MINDY3: variants seen among roughly 807,000 people sequenced by gnomAD.
The protein encoded by MINDY3 is ubiquitin carboxyl-terminal hydrolase MINDY-3.
A neutral mutation model predicts 69.2 loss-of-function variants in MINDY3; 38 were observed. The observed-to-expected ratio is 0.55, with a 90% CI of 0.42 to 0.72. The LOEUF (loss-of-function observed/expected upper bound fraction) is 0.72, where lower values mean the gene tolerates loss of function less well. Among genes scored for constraint, MINDY3 ranks in the 30% least tolerant of loss-of-function variants. MINDY3 has a pLI of 0.00. For missense variants in MINDY3, 522 were observed against 519.0 expected (o/e 1.01, Z -0.06); for synonymous variants, 192 against 180.1 (o/e 1.07, Z -0.53).
At chr10:15,802,978 T>C (rs955882314) in intron 10 of MINDY3, among the ~76,000 whole-genome samples, 9 of 152,166 alleles carry the variant, frequency 5.9e-5, no homozygotes, top group Admixed American at 2.6e-4. Context: ...CAAGAGATTA[T>C]TGTAAATTCA....
chr10:15,850,082 C>T (rs971257365), intron 1 of MINDY3, among the ~76,000 whole-genome samples: 6 of 152,164 alleles, frequency 3.9e-5, no homozygotes, highest in East Asian at 1.9e-4. Context: ...TAATTTCTTA[C>T]GCCTGTCTTT....
intron 1 of MINDY3, 113 bp downstream of exon 1, chr10:15,860,093 C>T (rs1832395564): frequency 2.6e-6 from 2 of 771,898 alleles, no homozygotes; most frequent in Non-Finnish European, 4.4e-6. Flanking sequence ...CTGAGCACGG[C>T]GACTGGGGCA....
At chr10:15,794,393 T>C (rs1055845961) in intron 11 of MINDY3, among the ~76,000 whole-genome samples, 2 of 152,138 alleles carry the variant, frequency 1.3e-5, no homozygotes, top group African/African-American at 4.8e-5. Context: ...TTCTTAGAGC[T>C]GACTATACAC....
At position 15,796,191 on chromosome 10, in the gene MINDY3, T is replaced by A; in HGVS notation, c.883-19A>T. 6.2e-7 allele frequency: 1 copy of A among 1,600,036 alleles called. No homozygotes were observed. The highest frequency in any genetic ancestry group is 8.6e-7 in the Non-Finnish European group (1 of 1,167,724). ...CCATATCCTGAAAAGATAAGAAGCATGTTGTCAACCAGCTACAGTATTATG... is the reference window on the plus strand; with the variant it reads ...CCATATCCTGAAAAGATAAGAAGCAAGTTGTCAACCAGCTACAGTATTATG... On this transcript the variant is annotated intron_variant, in intron 10 of 14. Coordinates refer to ENST00000277632, the MANE Select transcript of MINDY3 (RefSeq NM_024948.4).
At chr10:15,783,257 C>T (rs1430564401) in intron 13 of MINDY3, among the ~76,000 whole-genome samples, 1 of 152,158 alleles carries the variant, frequency 6.6e-6, no homozygotes, top group Non-Finnish European at 1.5e-5. Flanking sequence ...ACTCCTTCCC[C>T]TTCATGTATT....
chr10:15,835,706 C>T (rs1833027747), intron 6 of MINDY3, among the ~76,000 whole-genome samples: 1 of 152,044 alleles, frequency 6.6e-6, no homozygotes, highest in Admixed American at 6.6e-5. Context: ...TTATAAGAAA[C>T]CAGTCATCTT....
chr10:15,804,604 A>C (rs1266078076), intron 10 of MINDY3, among the ~76,000 whole-genome samples: 1 of 152,174 alleles, frequency 6.6e-6, no homozygotes, highest in Non-Finnish European at 1.5e-5. Flanking sequence ...TAGCTTGCAG[A>C]CAACATATTA....
At chr10:15,831,680 T>C (rs1387323998) in intron 8 of MINDY3, among the ~76,000 whole-genome samples, 1 of 149,188 alleles carries the variant, frequency 6.7e-6, no homozygotes, top group East Asian at 1.9e-4. Context: ...TTTCTTTTTT[T>C]TTTTTTTTTT....
At chr10:15,848,088 T>A (rs565787561) in intron 1 of MINDY3, 145 bp from the exon 2 acceptor site, 129 of 663,368 alleles carry the variant, frequency 1.9e-4, no homozygotes, top group Non-Finnish European at 3.2e-4. Flanking sequence ...AAGGAACCTT[T>A]TGAAAAAAAA....
chr10:15,841,019 T>C lies in MINDY3; in HGVS notation c.409+407A>G, dbSNP rs571552473. 2.0e-5 allele frequency among the ~76,000 whole-genome samples: 3 copies of C among 151,622 alleles called. No homozygotes were observed. In the South Asian group the frequency reaches 6.2e-4, roughly 31 times the overall value. On this transcript the variant is annotated intron_variant, in intron 4 of 14. Coordinates refer to ENST00000277632, the MANE Select transcript of MINDY3 (RefSeq NM_024948.4). ...TGCAATGAGGAGAAATGTCCCCATC[T>C]TTGCTCTGGGAAGCAAGTAAAGATA...
chr10:15,849,115 T>C (rs1477314354), intron 1 of MINDY3, among the ~76,000 whole-genome samples: 2 of 152,066 alleles, frequency 1.3e-5, no homozygotes, highest in Non-Finnish European at 2.9e-5. Context: ...GAATGCAGAG[T>C]ATTGTGGATA....
At chr10:15,842,842 T>C (rs1417562202) in intron 3 of MINDY3, among the ~76,000 whole-genome samples, 2 of 140,708 alleles carry the variant, frequency 1.4e-5, no homozygotes, top group African/African-American at 5.3e-5. Flanking sequence ...TAAGGCATTA[T>C]ACTAAAACAT....
At chr10:15,799,919 G>C (rs1440998692) in intron 10 of MINDY3, among the ~76,000 whole-genome samples, 3 of 152,152 alleles carry the variant, frequency 2.0e-5, no homozygotes, top group African/African-American at 7.2e-5. Context: ...ATTAGTGTTA[G>C]ACTGAGGTTA....
At chr10:15,847,582 T>A (rs1158984466) in intron 2 of MINDY3, among the ~76,000 whole-genome samples, 1 of 152,188 alleles carries the variant, frequency 6.6e-6, no homozygotes, top group African/African-American at 2.4e-5. Context: ...ATAGGATCTC[T>A]GTGTTAAAGA....
chr10:15,779,008 G>C lies in MINDY3; in HGVS notation c.1322C>G (p.Ser441Cys). Residue 441 changes from serine (S) to cysteine (C), a missense_variant, in exon 15 of 15, where the codon TCT becomes TGT. By Grantham distance (112) the Ser-to-Cys change is moderately radical. Coordinates refer to ENST00000277632, the MANE Select transcript of MINDY3 (RefSeq NM_024948.4). Reference sequence around the variant, plus strand: ...TTAGACAAATTAATTTAGTGAAGGAGAGCGATCTGTGGTCCAGAGTAACTC... The same window carrying C: ...TTAGACAAATTAATTTAGTGAAGGACAGCGATCTGTGGTCCAGAGTAACTC... ...YIELLWTTDRSPSLN is the reference protein window; with the variant it reads ...YIELLWTTDRCPSLN 1 of 1,613,110 alleles carries C rather than the reference G, an allele frequency of 6.2e-7. No individual in the cohort carries two copies. Among genetic ancestry groups the C allele is most frequent in the Non-Finnish European group, 8.5e-7 (1 of 1,179,468 alleles).
chr10:15,834,525 G>A lies in MINDY3; in HGVS notation c.650+18C>T. 1.3e-6 allele frequency: 2 copies of A among 1,571,898 alleles called. No individual in the cohort carries two copies. Among genetic ancestry groups the A allele is most frequent in the South Asian group, 1.1e-5 (1 of 88,068 alleles). Reference sequence around the variant, plus strand: ...AACTGGAGTTCACATGAGGAGACAAGAGATTTTAGTTAATTACCTGCCATG... The same window carrying A: ...AACTGGAGTTCACATGAGGAGACAAAAGATTTTAGTTAATTACCTGCCATG... On this transcript the variant is annotated intron_variant, in intron 7 of 14. Transcript: ENST00000277632.
chr10:15,813,982 AAAAAAAAAAAAAG>A (rs955641509), intron 10 of MINDY3, among the ~76,000 whole-genome samples: 1 of 150,872 alleles, frequency 6.6e-6, no homozygotes, highest in Non-Finnish European at 1.5e-5. Context: ...AAAACTCAAA[AAAAAAAAAAAAAG>A]AAAAAGAAAA....
At chr10:15,838,155 C>A in intron 5 of MINDY3, 73 bp downstream of exon 5, 1 of 1,443,408 alleles carries the variant, frequency 6.9e-7, no homozygotes, top group Non-Finnish European at 9.1e-7. Context: ...AAGAACCTTT[C>A]CACAGTATGA....
chr10:15,832,565 C>A (rs929350403), intron 8 of MINDY3, among the ~76,000 whole-genome samples: 1 of 151,968 alleles, frequency 6.6e-6, no homozygotes, highest in Non-Finnish European at 1.5e-5. Context: ...TTTTTGTTCA[C>A]GAATTTCACT....
Sources: gnomAD v4.1 joint callset for allele counts (sites outside exome capture counted in the v4.1 genomes callset) on GRCh38, gnomAD v4.1.1 for gene constraint, MANE v1.5 for transcripts, NCBI Gene and HGNC (gene_info 2026-07-23, HGNC 2026-07-21) for gene names.